Variants in NDUFAF7 observed in about 807,000 individuals in gnomAD.
NDUFAF7 encodes the protein protein arginine methyltransferase NDUFAF7, mitochondrial.
In NDUFAF7, 48 loss-of-function variants were observed where a neutral mutation model predicts 47.2. That is an observed-to-expected ratio of 1.02 (90% confidence interval 0.81 to 1.29). The LOEUF is 1.29. Ranked by LOEUF, NDUFAF7 falls within the 50% of genes most tolerant of loss-of-function variation. The pLI is 0.00. For missense variants in NDUFAF7, 635 were observed against 537.6 expected (o/e 1.18, Z -1.79); for synonymous variants, 217 against 190.0 (o/e 1.14, Z -1.17).
chr2:37,259,758 AT>A, the NDUFAF7 span: 2 of 1,001,892 alleles, frequency 2.0e-6, no homozygotes, highest in Non-Finnish European at 3.1e-6. Flanking sequence ...GAATGATTTA[AT>A]TTGAAAACTC....
At chr2:37,237,584 T>C (rs1464016174) in intron 3 of NDUFAF7, among the ~76,000 whole-genome samples, 173 bp from the exon 4 acceptor site, 1 of 152,232 alleles carries the variant, frequency 6.6e-6, no homozygotes, top group Non-Finnish European at 1.5e-5. Context: ...TGTTATGATG[T>C]AGTCCCAGGA....
chr2:37,264,615 T>G, the NDUFAF7 span, among the ~76,000 whole-genome samples: 3 of 152,236 alleles, frequency 2.0e-5, no homozygotes, highest in East Asian at 5.8e-4. Context: ...CAAGGGAGTA[T>G]GACATGCAGA....
At chr2:37,249,663 C>CACACAT (rs1558511008), downstream of NDUFAF7, among the ~76,000 whole-genome samples, 2 of 151,060 alleles carry the variant, frequency 1.3e-5, no homozygotes, top group African/African-American at 4.9e-5. Flanking sequence ...CACACACACA[C>CACACAT]ACACACACAC....
At chr2:37,234,638 G>A (rs1036088599) in intron 2 of NDUFAF7, among the ~76,000 whole-genome samples, 4 of 152,124 alleles carry the variant, frequency 2.6e-5, no homozygotes, top group African/African-American at 9.7e-5. Flanking sequence ...TTGAAAAAAT[G>A]TTCTCAAAAA....
rs1666640148 is a variant in NDUFAF7, at chr2:37,243,900, T to G, written c.719T>G (p.Ile240Ser). 6.2e-7 allele frequency: 1 copy of G among 1,614,104 alleles called. No individual in the cohort carries two copies. Among genetic ancestry groups the G allele is most frequent in the South Asian group, 1.1e-5 (1 of 91,080 alleles). Residue 240 changes from isoleucine (I) to serine (S), a missense_variant, in exon 7 of 10, where the codon ATT becomes AGT. Physicochemically the swap from Ile to Ser is moderately radical, Grantham distance 142. Transcript: ENST00000002125. ...PQGWREVFVD[I>S]DPQVSDKLRF... ...GGATGGCGAGAAGTATTTGTTGACA[T>G]TGATCCACAGGTTTCTGATAAACTG...
At chr2:37,259,531 T>C in the NDUFAF7 span, 2 of 1,382,428 alleles carry the variant, frequency 1.4e-6, no homozygotes, top group African/African-American at 1.4e-5. Flanking sequence ...ATTATGTGGG[T>C]GCTTTGAAAA....
downstream of NDUFAF7, chr2:37,254,311 G>C (rs1667761920): frequency 2.5e-6 from 4 of 1,593,660 alleles, no homozygotes; most frequent in Non-Finnish European, 2.6e-6. Flanking sequence ...GACAAAACAA[G>C]ATACATGAAT....
the NDUFAF7 span, among the ~76,000 whole-genome samples, chr2:37,264,973 G>C: frequency 6.6e-6 from 1 of 152,040 alleles, no homozygotes; most frequent in South Asian, 2.1e-4. Flanking sequence ...TTTCCTCCTT[G>C]CCACCGGAAA....
chr2:37,265,817 TAATG>T, the NDUFAF7 span, among the ~76,000 whole-genome samples: 1 of 152,180 alleles, frequency 6.6e-6, no homozygotes, highest in Non-Finnish European at 1.5e-5. Context: ...AATGATATAA[TAATG>T]AAGTTTTTCA....
chr2:37,254,072 C>T, downstream of NDUFAF7: 1 of 664,118 alleles, frequency 1.5e-6, no homozygotes, highest in Non-Finnish European at 2.7e-6. Context: ...AGAGATTCAG[C>T]CATAGTACAA....
the NDUFAF7 span, chr2:37,259,681 T>C: frequency 6.2e-7 from 1 of 1,602,426 alleles, no homozygotes; most frequent in Non-Finnish European, 8.5e-7. Context: ...GCAACAAGTA[T>C]CTGTTATGAA....
intron 5 of NDUFAF7, chr2:37,242,013 CAAACA>C: frequency 1.7e-6 from 1 of 578,880 alleles, no homozygotes; most frequent in Non-Finnish European, 3.0e-6. Context: ...TGTAAAATCC[CAAACA>C]AAATGTAAAT....
intron 5 of NDUFAF7, chr2:37,242,064 G>C: frequency 2.1e-6 from 1 of 471,884 alleles, no homozygotes; most frequent in Non-Finnish European, 3.8e-6. Context: ...CTATAGCTAG[G>C]GTTGTACCGA....
intron 2 of NDUFAF7, among the ~76,000 whole-genome samples, chr2:37,232,749 G>T (rs1469359002): frequency 2.0e-5 from 3 of 152,164 alleles, no homozygotes; most frequent in Admixed American, 2.0e-4. Context: ...CATGTGCTGG[G>T]TTTTCTCACA....
chr2:37,244,081 C>A (rs1267901288), intron 7 of NDUFAF7, 108 bp downstream of exon 7: 4 of 941,924 alleles, frequency 4.2e-6, no homozygotes, highest in Non-Finnish European at 6.6e-6. Flanking sequence ...GGAAGAGTTG[C>A]TAGTAGCATA....
downstream of NDUFAF7, chr2:37,252,723 T>C (rs1019816878): frequency 6.6e-6 from 1 of 151,998 alleles, no homozygotes; most frequent in African/African-American, 2.4e-5. Context: ...CAGTTACCTC[T>C]TAAATACAAG....
the NDUFAF7 span, chr2:37,268,535 C>T: frequency 3.0e-6 from 1 of 336,722 alleles, no homozygotes; most frequent in Non-Finnish European, 5.8e-6. Context: ...TAATGTAAAC[C>T]CAAAGGGTAA....
downstream of NDUFAF7, chr2:37,251,352 C>T (rs1667476060): frequency 6.6e-6 from 1 of 152,504 alleles, no homozygotes; most frequent in African/African-American, 2.4e-5. Flanking sequence ...AGCCATACTA[C>T]TGGTCTCAAA....
At chr2:37,271,247 G>T in the NDUFAF7 span, among the ~76,000 whole-genome samples, 1 of 151,888 alleles carries the variant, frequency 6.6e-6, no homozygotes, top group African/African-American at 2.4e-5. Context: ...CTAGTCCAGG[G>T]GTTAGCAAAC....
Sources: gnomAD v4.1 joint callset for allele counts (sites outside exome capture counted in the v4.1 genomes callset) on GRCh38, gnomAD v4.1.1 for gene constraint, MANE v1.5 for transcripts, NCBI Gene and HGNC (gene_info 2026-07-23, HGNC 2026-07-21) for gene names.